Variants in PBX1 observed in about 807,000 individuals in gnomAD.
The protein encoded by PBX1 is PBX homeobox 1.
In PBX1, 6 loss-of-function variants were observed where a neutral mutation model predicts 53.4. The ratio of observed to expected loss-of-function variants is 0.11; its 90% CI spans 0.06 to 0.22. The LOEUF is 0.22. PBX1 is among the 10% of genes least tolerant of loss of function. PBX1 has a pLI of 1.00. For synonymous variants in PBX1, 204 were observed against 212.3 expected, an observed-to-expected ratio of 0.96 and a Z score of 0.34; for missense variants, 251 against 551.4, an observed-to-expected ratio of 0.46 and a Z score of 5.46.
chr1:164,773,616 G>A (rs1399072213), intron 2 of PBX1, among the ~76,000 whole-genome samples: 1 of 152,118 alleles, frequency 6.6e-6, no homozygotes, highest in East Asian at 1.9e-4. Flanking sequence ...AGCTAGTGAG[G>A]AATAGGTTGG....
Position 164,573,036 on chromosome 1 carries a change from A to C in PBX1, c.265+9725A>C, listed in dbSNP as rs150244837. Among the ~76,000 whole-genome samples the C allele has an allele frequency of 4.1e-4, 62 of 152,286 alleles. 1 individual carries two copies. Among genetic ancestry groups the C allele is most frequent in the Middle Eastern group, 3.4e-3 (1 of 294 alleles). On this transcript the variant is annotated intron_variant, in intron 2 of 8. Coordinates refer to ENST00000420696, the MANE Select transcript of PBX1 (RefSeq NM_002585.4). ...CCCCTACTTCTAGAGTTCTGTGGAG[A>C]GAATCTCACAGAACAGTGCTTTTCA...
At chr1:164,880,839 A>G (rs1451785558) in intron 2 of PBX1, among the ~76,000 whole-genome samples, 1 of 152,234 alleles carries the variant, frequency 6.6e-6, no homozygotes, top group East Asian at 1.9e-4. Flanking sequence ...CAGGTCAGCT[A>G]ATTAAATTAG....
intron 2 of PBX1, among the ~76,000 whole-genome samples, chr1:164,636,667 C>T (rs1159877034): frequency 6.6e-6 from 1 of 152,172 alleles, no homozygotes; most frequent in South Asian, 2.1e-4. Flanking sequence ...ATCTTCTCGT[C>T]TTCTCATCAT....
rs531072286 is a variant in PBX1, at chr1:164,851,141, C to T, written c.*4465C>T. ...CTTCACAGAGTACACCTCTTAGTAA[C>T]CTCTGACTTAGGCAGCTGCTTAAAG... is the stretch of plus-strand genomic sequence containing the variant. On this transcript the variant is annotated 3_prime_UTR_variant, in exon 9 of 9. Transcript: ENST00000420696. 1.8e-5 allele frequency: 4 copies of T among 219,134 alleles called. No individual in the cohort carries two copies. Among genetic ancestry groups the T allele is most frequent in the African/African-American group, 9.0e-5 (4 of 44,642 alleles). 13.6% of individuals were successfully genotyped at this position (219,134 alleles called of 1,614,324 possible).
intron 2 of PBX1, among the ~76,000 whole-genome samples, chr1:164,615,411 T>C (rs1657211936): frequency 6.6e-6 from 1 of 152,184 alleles, no homozygotes; most frequent in African/African-American, 2.4e-5. Context: ...AAGAAAGTAA[T>C]AATAACATTC....
intron 2 of PBX1, among the ~76,000 whole-genome samples, chr1:164,566,822 T>A (rs1653464417): frequency 6.6e-6 from 1 of 152,228 alleles, no homozygotes; most frequent in African/African-American, 2.4e-5. Context: ...GAATAGTTTT[T>A]AATTTTAGAA....
chr1:164,792,725 A>T lies in PBX1; in HGVS notation c.497A>T (p.Glu166Val). Residue 166 changes from glutamate to valine, a missense_variant, in exon 3 of 9, where the codon GAG (glutamate) becomes GTG (valine). Glu to Val is a moderately radical substitution (Grantham distance 121, BLOSUM62 -2). This residue lies in a region of PBX1 where 76 missense variants were observed against 197.5 expected (regional missense o/e 0.38). Coordinates refer to ENST00000420696, the MANE Select transcript of PBX1 (RefSeq NM_002585.4). ...AGACAAATCTACCATACGGAGCTGG[A>T]GAAATACGAGCAGGTAACCAGAACC... ...QIRQIYHTELEKYEQACNEFT... is the reference protein window; with the variant it reads ...QIRQIYHTELVKYEQACNEFT... 1 of 1,605,694 alleles carries T rather than the reference A, an allele frequency of 6.2e-7. No homozygotes were observed. The highest frequency in any genetic ancestry group is 1.7e-4 in the Middle Eastern group (1 of 6,024).
chr1:164,744,056 A>G (rs1041609773), intron 2 of PBX1, among the ~76,000 whole-genome samples: 2 of 152,118 alleles, frequency 1.3e-5, no homozygotes, highest in African/African-American at 4.8e-5. Flanking sequence ...ATTAGTCTTG[A>G]TTACTTCACT....
chr1:164,618,705 CATT>C (rs1295240626), intron 2 of PBX1, among the ~76,000 whole-genome samples: 2 of 152,148 alleles, frequency 1.3e-5, no homozygotes, highest in Non-Finnish European at 2.9e-5. Context: ...GAAATAAACA[CATT>C]AGGAACTCCT....
chr1:164,825,097 T>C (rs139839724), intron 8 of PBX1, among the ~76,000 whole-genome samples: 167 of 152,224 alleles, frequency 1.1e-3, no homozygotes, highest in Admixed American at 1.6e-3. Context: ...CAAAATAAAC[T>C]CTGGATGCCA....
intron 2 of PBX1, among the ~76,000 whole-genome samples, chr1:164,651,429 C>T (rs769131806): frequency 4.6e-5 from 7 of 152,056 alleles, no homozygotes; most frequent in Non-Finnish European, 8.8e-5. Flanking sequence ...TCTCGTTTCC[C>T]TACCCTCCGA....
At chr1:164,689,731 T>C (rs569207616) in intron 2 of PBX1, among the ~76,000 whole-genome samples, 7 of 152,326 alleles carry the variant, frequency 4.6e-5, no homozygotes, top group Admixed American at 2.6e-4. Context: ...TATTCCTTCA[T>C]TGATTTTCAT....
At chr1:164,793,367 C>A (rs1290414463) in intron 3 of PBX1, among the ~76,000 whole-genome samples, 1 of 152,152 alleles carries the variant, frequency 6.6e-6, no homozygotes, top group African/African-American at 2.4e-5. Context: ...TGGAGCCAGA[C>A]AAACTGGGAT....
At chr1:164,828,409 A>G (rs1670578891) in intron 8 of PBX1, 1 of 152,216 alleles carries the variant, frequency 6.6e-6, no homozygotes, top group Non-Finnish European at 1.5e-5. Context: ...GCATCTTCCA[A>G]TGCCAGTTCC....
intron 2 of PBX1, chr1:164,657,184 ATGG>A (rs1184877457): frequency 1.3e-5 from 2 of 152,224 alleles, no homozygotes; most frequent in African/African-American, 4.8e-5. Flanking sequence ...TCCGAAATCC[ATGG>A]TGGTTGAAGA....
intron 2 of PBX1, chr1:164,642,690 C>T (rs1389511763): frequency 6.6e-6 from 1 of 152,136 alleles, no homozygotes; most frequent in Non-Finnish European, 1.5e-5. Flanking sequence ...CTTTGCCTCA[C>T]AGAAAATAGA....
chr1:164,677,904 G>C (rs938034215), intron 2 of PBX1, among the ~76,000 whole-genome samples: 1 of 152,130 alleles, frequency 6.6e-6, no homozygotes, highest in Non-Finnish European at 1.5e-5. Context: ...AGGAGGCAAA[G>C]GGAATTTTAA....
At position 164,712,561 on chromosome 1, in the gene PBX1, C is replaced by T. The variant is rs530267121; in HGVS notation, c.266-79933C>T. 1.7e-4 allele frequency among the ~76,000 whole-genome samples: 26 copies of T among 152,268 alleles called. No homozygotes were observed. In the South Asian group the frequency reaches 5.0e-3, roughly 29 times the overall value. ...TAGATTTTCCTTTCCCGGTTGATAT[C>T]GGAAGGCACAGAGGCAGGAGGTGGG... On this transcript the variant is annotated intron_variant, in intron 2 of 8. Coordinates refer to ENST00000420696, the MANE Select transcript of PBX1 (RefSeq NM_002585.4).
intron 2 of PBX1, among the ~76,000 whole-genome samples, chr1:164,608,626 T>G (rs2101819836): frequency 6.6e-6 from 1 of 152,302 alleles, no homozygotes; most frequent in South Asian, 2.1e-4. Flanking sequence ...AAAATTTGAG[T>G]AAGAAAGCAA....
Sources: allele counts gnomAD v4.1 joint callset (sites outside exome capture counted in the v4.1 genomes callset), GRCh38; gene constraint gnomAD v4.1.1; regional missense constraint gnomAD v4.1.1; transcripts MANE v1.5; gene names NCBI Gene and HGNC (gene_info 2026-07-23, HGNC 2026-07-21).